SPAG1: variants seen among roughly 807,000 people sequenced by gnomAD.
The protein encoded by SPAG1 is sperm-associated antigen 1.
In SPAG1, 69 loss-of-function variants were observed where a neutral mutation model predicts 100.5. The ratio of observed to expected loss-of-function variants is 0.69; its 90% CI spans 0.57 to 0.84. The LOEUF (loss-of-function observed/expected upper bound fraction) is 0.84, where lower values mean the gene tolerates loss of function less well. SPAG1 is among the 40% of genes least tolerant of loss of function. The pLI is 0.00. For synonymous variants in SPAG1, 336 were observed against 411.6 expected, an observed-to-expected ratio of 0.82 and a Z score of 2.22; for missense variants, 955 against 1,133.1, an observed-to-expected ratio of 0.84 and a Z score of 2.26.
chr8:100,170,828 TATTTA>T, intron 3 of SPAG1, among the ~76,000 whole-genome samples: 1 of 144,514 alleles, frequency 6.9e-6, no homozygotes, highest in African/African-American at 2.5e-5. Context: ...TTTATTTATT[TATTTA>T]TTTATTTATT....
chr8:100,173,546 C>G (rs987564105), intron 3 of SPAG1, among the ~76,000 whole-genome samples: 4 of 151,954 alleles, frequency 2.6e-5, no homozygotes, highest in Non-Finnish European at 5.9e-5. Flanking sequence ...ATATTAGAAC[C>G]CTCAATACAT....
chr8:100,216,941 T>C (rs902317936), intron 12 of SPAG1, among the ~76,000 whole-genome samples: 1 of 142,264 alleles, frequency 7.0e-6, no homozygotes, highest in Admixed American at 7.0e-5. Context: ...CTTTTTTTTT[T>C]TTTTTTTTTT....
At chr8:100,178,292 T>C (rs1323037044) in intron 4 of SPAG1, among the ~76,000 whole-genome samples, 1 of 152,030 alleles carries the variant, frequency 6.6e-6, no homozygotes, top group Non-Finnish European at 1.5e-5. Context: ...CAATTGTATA[T>C]ATCTAGTAGG....
chr8:100,185,709 A>C (rs1048612699), intron 7 of SPAG1, among the ~76,000 whole-genome samples: 23 of 152,246 alleles, frequency 1.5e-4, no homozygotes, highest in African/African-American at 5.3e-4. Context: ...CTACCTTAGC[A>C]CTAAACTCTG....
chr8:100,229,304 C>T (rs1327156256), intron 14 of SPAG1, among the ~76,000 whole-genome samples: 1 of 152,162 alleles, frequency 6.6e-6, no homozygotes, highest in Non-Finnish European at 1.5e-5. Context: ...CCTATAGTCC[C>T]AGCTACATGG....
intron 10 of SPAG1, among the ~76,000 whole-genome samples, chr8:100,199,916 T>C (rs1205578165): frequency 1.3e-5 from 2 of 152,274 alleles, no homozygotes; most frequent in Admixed American, 1.3e-4. Context: ...AGAAGTTTTT[T>C]GTTTTTTTTT....
chr8:100,187,278 A>G (rs1816626477), intron 8 of SPAG1, 28 bp downstream of exon 8: 3 of 1,570,286 alleles, frequency 1.9e-6, no homozygotes, highest in African/African-American at 2.7e-5. Flanking sequence ...ATTCTTTTAC[A>G]TTTACAGCAG....
rs185910324 is a variant in SPAG1, at chr8:100,184,813, C to T, written c.701+80C>T. ...TAATTGTTGAAACAATATAAATAAG[C>T]GAAAGTCTATGTCAGAATCTCTCAA... On this transcript the variant is annotated intron_variant, in intron 7 of 18. Transcript: ENST00000388798. 30 of 785,902 alleles carry T rather than the reference C, an allele frequency of 3.8e-5. No individual in the cohort carries two copies. In the Admixed American group the frequency reaches 6.3e-4, roughly 17 times the overall value. The allele number at this position is 785,902 out of a possible 1,614,324, so 48.7% of individuals were successfully genotyped here.
chr8:100,212,911 GGACTGGGCC>G (rs759317275), intron 10 of SPAG1, among the ~76,000 whole-genome samples, 170 bp from the exon 11 acceptor site: 3 of 151,910 alleles, frequency 2.0e-5, no homozygotes, highest in Non-Finnish European at 4.4e-5. Flanking sequence ...TCGAGGGAGC[GGACTGGGCC>G]GACTGGCTCT....
chr8:100,169,905 A>G (rs1815742439), intron 3 of SPAG1, among the ~76,000 whole-genome samples: 1 of 151,900 alleles, frequency 6.6e-6, no homozygotes, highest in African/African-American at 2.4e-5. Flanking sequence ...TTAAATGTCC[A>G]TCTTTACTCC....
intron 4 of SPAG1, among the ~76,000 whole-genome samples, chr8:100,178,641 G>A (rs1816233053): frequency 6.6e-6 from 1 of 152,000 alleles, no homozygotes; most frequent in Admixed American, 6.6e-5. Context: ...TCTTTTCTTT[G>A]AATCAATTTT....
Position 100,220,441 on chromosome 8 carries a change from CT to C in SPAG1, c.1688+11del, listed in dbSNP as rs768268280. ...ATGACAGTGTTAACAGGTAATTAAT[CT>C]GAGGCAGCTACCTAAAATCTAGTTG... On this transcript the variant is annotated intron_variant, in intron 13 of 18. Transcript: ENST00000388798. 14 of 1,600,802 alleles carry C rather than the reference CT, an allele frequency of 8.7e-6. No homozygotes were observed. The highest frequency in any genetic ancestry group is 1.2e-5 in the Non-Finnish European group (14 of 1,175,254).
intron 3 of SPAG1, among the ~76,000 whole-genome samples, chr8:100,177,025 G>A (rs1816160453): frequency 6.6e-6 from 1 of 151,348 alleles, no homozygotes; most frequent in African/African-American, 2.4e-5. Flanking sequence ...CAACTGCAAT[G>A]GTAGCTTATG....
chr8:100,188,100 C>T (rs1001562119), intron 8 of SPAG1, among the ~76,000 whole-genome samples: 3 of 152,138 alleles, frequency 2.0e-5, no homozygotes, highest in African/African-American at 7.2e-5. Flanking sequence ...GGTGATCCAC[C>T]TGCTTCAGCC....
Position 100,203,626 on chromosome 8 carries a change from C to T in SPAG1, c.1096+9358C>T, listed in dbSNP as rs369834979. ...TCATGAGAGGCAAGGAGTTTAGTAA[C>T]TCTATACATAGTACCTTTGACCATA... On this transcript the variant is annotated intron_variant, in intron 10 of 18. Transcript: ENST00000388798. 4.3e-4 allele frequency among the ~76,000 whole-genome samples: 66 copies of T among 152,282 alleles called. 1 individual carries two copies. The South Asian group carries it at 0.014, about 32-fold the overall frequency.
chr8:100,169,087 A>G (rs1348498594), intron 3 of SPAG1, among the ~76,000 whole-genome samples: 5 of 152,074 alleles, frequency 3.3e-5, no homozygotes, highest in Admixed American at 3.3e-4. Context: ...TTATCTAAGA[A>G]ATCTTTGTTT....
In SPAG1 at chr8:100,194,210, C is replaced by A; in HGVS notation, c.1038C>A (p.Asn346Lys). The A allele has an allele frequency of 6.2e-7, 1 of 1,609,850 alleles. No individual in the cohort carries two copies. The highest frequency in any genetic ancestry group is 8.5e-7 in the Non-Finnish European group (1 of 1,177,456). ...GGATGGTTATTCAGGAAATAGAAAA[C>A]TCCGAAGATGAAGAAGGAAAAAGCG... ...GKRMVIQEIENSEDEEGKSGR... is the reference protein window; with the variant it reads ...GKRMVIQEIEKSEDEEGKSGR... The change falls in exon 10 of 19, where the codon AAC (asparagine) becomes AAA (lysine). Residue 346 changes from asparagine to lysine, a missense_variant. Physicochemically the swap from Asn to Lys is moderately conservative, Grantham distance 94 (BLOSUM62 0). Coordinates refer to ENST00000388798, the MANE Select transcript of SPAG1 (RefSeq NM_003114.5).
intron 7 of SPAG1, chr8:100,185,140 C>T (rs1300666754): frequency 5.6e-6 from 1 of 178,140 alleles, no homozygotes; most frequent in Non-Finnish European, 1.2e-5. Context: ...TTTCCCATGG[C>T]TGGTCTGAGT....
intron 10 of SPAG1, among the ~76,000 whole-genome samples, chr8:100,200,053 T>C (rs1817205299): frequency 6.6e-6 from 1 of 152,154 alleles, no homozygotes; most frequent in South Asian, 2.1e-4. Flanking sequence ...ACCCATTAAC[T>C]TGTCATTTAC....
Sources: gnomAD v4.1 joint callset for allele counts (sites outside exome capture counted in the v4.1 genomes callset) on GRCh38, gnomAD v4.1.1 for gene constraint, MANE v1.5 for transcripts, NCBI Gene and HGNC (gene_info 2026-07-23, HGNC 2026-07-21) for gene names.